The following ADAM12 variants were observed in gnomAD, a reference collection of about 807,000 sequenced individuals.
The protein encoded by ADAM12 is disintegrin and metalloproteinase domain-containing protein 12.
ADAM12 carries 70 observed loss-of-function variants against 106.4 expected under a neutral mutation model. That is an observed-to-expected ratio of 0.66 (90% CI 0.54 to 0.80). The LOEUF is 0.80. Ranked by LOEUF, ADAM12 falls within the 30% of genes least tolerant of loss-of-function variation. The pLI is 0.00. For missense variants in ADAM12, 1,010 were observed against 1,171.9 expected (o/e 0.86, Z 2.02); for synonymous variants, 420 against 433.5 (o/e 0.97, Z 0.39).
intron 3 of ADAM12, among the ~76,000 whole-genome samples, chr10:126,210,266 T>A (rs2133835229): frequency 6.6e-6 from 1 of 152,354 alleles, no homozygotes; most frequent in South Asian, 2.1e-4. Flanking sequence ...AATGCTTTCC[T>A]CTGTGTCAGG....
At chr10:126,186,693 C>A (rs1297472155) in intron 3 of ADAM12, among the ~76,000 whole-genome samples, 1 of 151,810 alleles carries the variant, frequency 6.6e-6, no homozygotes, top group African/African-American at 2.4e-5. Context: ...GGGGCTGGAG[C>A]CTTAGGGAGG....
chr10:126,168,542 A>G, intron 3 of ADAM12, among the ~76,000 whole-genome samples: 1 of 152,182 alleles, frequency 6.6e-6, no homozygotes, highest in East Asian at 1.9e-4. Flanking sequence ...GCTGGCTTCC[A>G]TTCGTCTCAC....
rs1956632518 is a variant in ADAM12, at chr10:126,146,584, G to A, written c.339+8643C>T. ...CCAGCTGACAGAAAATTGCAATTTA[G>A]TTCACTGCAACCTTGGCATTATCAA... is the stretch of plus-strand genomic sequence containing the variant. On this transcript the variant is annotated intron_variant, in intron 4 of 22. Coordinates refer to ENST00000448723, the MANE Select transcript of ADAM12 (RefSeq NM_001288973.2). Among the ~76,000 whole-genome samples the A allele has an allele frequency of 3.3e-5, 5 of 152,126 alleles. No individual in the cohort carries two copies. The South Asian group carries it at 1.0e-3, about 32-fold the overall frequency.
At chr10:126,245,138 C>T (rs547378107) in intron 3 of ADAM12, among the ~76,000 whole-genome samples, 17 of 152,304 alleles carry the variant, frequency 1.1e-4, no homozygotes, top group African/African-American at 4.1e-4. Flanking sequence ...CCTCGGGGAA[C>T]CCTCAAGGGA....
intron 3 of ADAM12, among the ~76,000 whole-genome samples, chr10:126,266,310 C>T (rs546438412): frequency 6.6e-6 from 1 of 152,214 alleles, no homozygotes; most frequent in African/African-American, 2.4e-5. Flanking sequence ...GCAGCAGGTG[C>T]AGGGTGGGAC....
chr10:126,297,612 CTG>C (rs1296102531), intron 2 of ADAM12, among the ~76,000 whole-genome samples: 2 of 152,190 alleles, frequency 1.3e-5, no homozygotes, highest in East Asian at 3.9e-4. Context: ...AGTCATTAAG[CTG>C]ATGGTACACA....
At chr10:126,290,379 T>A (rs531832536) in intron 2 of ADAM12, among the ~76,000 whole-genome samples, 1 of 152,202 alleles carries the variant, frequency 6.6e-6, no homozygotes, top group Non-Finnish European at 1.5e-5. Flanking sequence ...ACCTTGAGAT[T>A]TTGACTGTGA....
At chr10:126,031,125 C>T (rs114326626) in intron 21 of ADAM12, among the ~76,000 whole-genome samples, 3,203 of 152,194 alleles carry the variant, frequency 0.021, 97 homozygotes, top group African/African-American at 0.069. Flanking sequence ...ATCTGGAATG[C>T]AGGGAAAGGG....
At chr10:126,359,277 T>C (rs1021129951) in intron 1 of ADAM12, among the ~76,000 whole-genome samples, 1 of 152,136 alleles carries the variant, frequency 6.6e-6, no homozygotes, top group Non-Finnish European at 1.5e-5. Flanking sequence ...TGTCCTCACA[T>C]TTCAAAACCA....
At chr10:126,323,378 G>A (rs929410918) in intron 2 of ADAM12, among the ~76,000 whole-genome samples, 12 of 152,262 alleles carry the variant, frequency 7.9e-5, no homozygotes, top group East Asian at 3.9e-4. Flanking sequence ...CACTTGGGGC[G>A]GTGTCCCAGG....
chr10:126,242,857 G>C (rs1041676423), intron 3 of ADAM12, among the ~76,000 whole-genome samples: 1 of 152,074 alleles, frequency 6.6e-6, no homozygotes. Context: ...TCCAGTGTCT[G>C]GTTTTGACAT....
intron 2 of ADAM12, among the ~76,000 whole-genome samples, chr10:126,329,167 C>T (rs1418605707): frequency 3.3e-5 from 5 of 151,710 alleles, no homozygotes; most frequent in Non-Finnish European, 7.4e-5. Flanking sequence ...TTGCACGAGA[C>T]ATATTTACAC....
intron 2 of ADAM12, among the ~76,000 whole-genome samples, chr10:126,307,420 C>T (rs1960895737): frequency 6.6e-6 from 1 of 152,158 alleles, no homozygotes; most frequent in African/African-American, 2.4e-5. Flanking sequence ...ATGGCACAAT[C>T]TCCACTCATT....
At chr10:126,024,670 C>A (rs1466554009) in intron 21 of ADAM12, among the ~76,000 whole-genome samples, 1 of 152,088 alleles carries the variant, frequency 6.6e-6, no homozygotes, top group African/African-American at 2.4e-5. Flanking sequence ...TCATATAAGA[C>A]TTTGAGCTGG....
intron 5 of ADAM12, among the ~76,000 whole-genome samples, chr10:126,129,645 G>A (rs903709519): frequency 2.0e-5 from 3 of 152,198 alleles, no homozygotes; most frequent in African/African-American, 4.8e-5. Flanking sequence ...GCACTTCACC[G>A]AAACCGTATT....
At chr10:126,117,283 G>A (rs1438769504) in intron 6 of ADAM12, among the ~76,000 whole-genome samples, 2 of 152,220 alleles carry the variant, frequency 1.3e-5, no homozygotes, top group Non-Finnish European at 2.9e-5. Context: ...GTTTCATGGT[G>A]TGACACTACA....
chr10:126,358,787 A>C (rs2366706), intron 1 of ADAM12, among the ~76,000 whole-genome samples: 30,172 of 152,224 alleles, frequency 0.2, 3,264 homozygotes, highest in Middle Eastern at 0.28. Context: ...AGAATAAACA[A>C]ATTCAGTAAA....
At chr10:126,386,601 A>G (rs1482509584) in intron 1 of ADAM12, among the ~76,000 whole-genome samples, 1 of 152,152 alleles carries the variant, frequency 6.6e-6, no homozygotes, top group Non-Finnish European at 1.5e-5. Context: ...ATAAAATAGT[A>G]AAAGTCCTCC....
chr10:126,160,183 A>C (rs1956907147), intron 3 of ADAM12, among the ~76,000 whole-genome samples: 1 of 152,224 alleles, frequency 6.6e-6, no homozygotes. Flanking sequence ...CATGCTCAGC[A>C]TACAACAGAG....
Sources: allele counts gnomAD v4.1 joint callset (sites outside exome capture counted in the v4.1 genomes callset), GRCh38; gene constraint gnomAD v4.1.1; transcripts MANE v1.5; gene names NCBI Gene and HGNC (gene_info 2026-07-23, HGNC 2026-07-21).